SEPTIN7: variants seen among roughly 807,000 people sequenced by gnomAD.
SEPTIN7 encodes the protein septin 7, also known as septin-7.
SEPTIN7 carries 10 observed loss-of-function variants against 63.3 expected under a neutral mutation model. The observed-to-expected ratio is 0.16, with a 90% CI of 0.10 to 0.27. The LOEUF (loss-of-function observed/expected upper bound fraction) is 0.27. SEPTIN7 is among the 10% of genes least tolerant of loss of function. The pLI is 1.00. For synonymous variants in SEPTIN7, 131 were observed against 165.3 expected (o/e 0.79, Z 1.59); for missense variants, 310 against 521.0 (o/e 0.59, Z 3.94).
At chr7:35,830,194 A>T (rs930555450) in intron 1 of SEPTIN7, among the ~76,000 whole-genome samples, 1 of 152,096 alleles carries the variant, frequency 6.6e-6, no homozygotes, top group Non-Finnish European at 1.5e-5. Context: ...AAAAAAAAAA[A>T]ACTATTCCAA....
In SEPTIN7 at chr7:35,832,892, T is replaced by C. The variant is rs747481524; in HGVS notation, c.161T>C (p.Met54Thr). ...AAGAGAGGTTTTGAATTCACGCTTA[T>C]GGTAGTGGGTAAGATATGATTTCTT... is the stretch of plus-strand genomic sequence containing the variant. ...SVKRGFEFTL[M>T]VVGESGLGKS... The change falls in exon 3 of 14, where the codon ATG becomes ACG. Residue 54 changes from methionine (M) to threonine (T), a missense_variant. Met to Thr is a moderately conservative substitution (Grantham distance 81). Coordinates refer to ENST00000350320, the MANE Select transcript of SEPTIN7 (RefSeq NM_001788.6). 12 of 1,569,144 alleles carry C rather than the reference T, an allele frequency of 7.6e-6. No homozygotes were observed. The highest frequency in any genetic ancestry group is 1.1e-5 in the South Asian group (1 of 90,142).
intron 12 of SEPTIN7, chr7:35,901,530 A>G (rs1219662281): frequency 6.6e-6 from 1 of 152,200 alleles, no homozygotes; most frequent in Non-Finnish European, 1.5e-5. Flanking sequence ...TTAATAACTG[A>G]AAAATGTTGA....
At chr7:35,884,589 A>T (rs529557822) in intron 9 of SEPTIN7, among the ~76,000 whole-genome samples, 1 of 152,268 alleles carries the variant, frequency 6.6e-6, no homozygotes, top group South Asian at 2.1e-4. Flanking sequence ...GGAATCAAAC[A>T]TTTGGAGAGA....
At chr7:35,806,596 C>G (rs1788355088) in intron 1 of SEPTIN7, among the ~76,000 whole-genome samples, 1 of 152,210 alleles carries the variant, frequency 6.6e-6, no homozygotes, top group Admixed American at 6.5e-5. Context: ...CAATGAATTG[C>G]TGATGTGCAT....
intron 10 of SEPTIN7, among the ~76,000 whole-genome samples, chr7:35,887,328 A>G (rs1787321762): frequency 6.6e-6 from 1 of 152,194 alleles, no homozygotes; most frequent in African/African-American, 2.4e-5. Flanking sequence ...AAAACACTGT[A>G]GAGGGGAAAG....
chr7:35,831,543 C>T, intron 2 of SEPTIN7, 47 bp downstream of exon 2: 1 of 407,226 alleles, frequency 2.5e-6, no homozygotes, highest in Non-Finnish European at 4.8e-6. Context: ...TCTCAGTTAA[C>T]TTAAATTTAA....
At chr7:35,847,615 CTTT>C (rs1784748536) in intron 3 of SEPTIN7, among the ~76,000 whole-genome samples, 1 of 152,124 alleles carries the variant, frequency 6.6e-6, no homozygotes, top group Non-Finnish European at 1.5e-5. Context: ...CAAAAGTCTT[CTTT>C]TTGAAACTTT....
intron 3 of SEPTIN7, among the ~76,000 whole-genome samples, chr7:35,862,863 A>G (rs1334296253): frequency 6.6e-6 from 1 of 152,148 alleles, no homozygotes; most frequent in East Asian, 1.9e-4. Context: ...TAGTTACTAT[A>G]TACTAGACTA....
chr7:35,841,828 CAAGG>C (rs1784420195), intron 3 of SEPTIN7, among the ~76,000 whole-genome samples: 1 of 152,124 alleles, frequency 6.6e-6, no homozygotes, highest in African/African-American at 2.4e-5. Context: ...TTCATCTTGG[CAAGG>C]AAGACTGCTC....
chr7:35,884,353 C>T (rs1216180239), intron 9 of SEPTIN7, among the ~76,000 whole-genome samples: 1 of 152,166 alleles, frequency 6.6e-6, no homozygotes, highest in Non-Finnish European at 1.5e-5. Flanking sequence ...ATTAAGGATG[C>T]TCGACCAGTA....
At chr7:35,913,238 C>T in the SEPTIN7 span, among the ~76,000 whole-genome samples, 1 of 152,182 alleles carries the variant, frequency 6.6e-6, no homozygotes, top group African/African-American at 2.4e-5. Context: ...ACATCAATGG[C>T]AACAGGTGGG....
At chr7:35,828,519 C>G (rs1562528857) in intron 1 of SEPTIN7, among the ~76,000 whole-genome samples, 1 of 152,148 alleles carries the variant, frequency 6.6e-6, no homozygotes, top group South Asian at 2.1e-4. Flanking sequence ...GGGACTGCTA[C>G]AGGCACATGC....
intron 11 of SEPTIN7, among the ~76,000 whole-genome samples, chr7:35,895,278 G>T (rs147540856): frequency 6.6e-6 from 1 of 151,954 alleles, no homozygotes; most frequent in South Asian, 2.1e-4. Context: ...TTTTTGTTTC[G>T]ATTTTCTAAA....
At chr7:35,885,163 A>T (rs779302930) in intron 9 of SEPTIN7, among the ~76,000 whole-genome samples, 29 of 152,178 alleles carry the variant, frequency 1.9e-4, no homozygotes, top group African/African-American at 7.0e-4. Flanking sequence ...ATTTTGAACA[A>T]TTCTTTAATT....
chr7:35,880,005 T>G, intron 7 of SEPTIN7, 65 bp downstream of exon 7: 1 of 860,548 alleles, frequency 1.2e-6, no homozygotes, highest in Admixed American at 2.0e-5. Context: ...TTTACTATTT[T>G]TAGTATAATG....
chr7:35,902,282 A>C (rs1788370068), intron 12 of SEPTIN7: 2 of 151,588 alleles, frequency 1.3e-5, no homozygotes, highest in Admixed American at 1.3e-4. Context: ...GATCTCTTGG[A>C]CTTAAAGCAC....
Position 35,801,837 on chromosome 7 carries a change from A to AGGCGGC in SEPTIN7, c.61+577_61+582dup, listed in dbSNP as rs1350623263. Among the ~76,000 whole-genome samples the AGGCGGC allele has an allele frequency of 2.0e-5, 3 of 151,272 alleles. 1 individual carries two copies. The highest frequency in any genetic ancestry group is 4.2e-4 in the South Asian group (2 of 4,790). Reference sequence around the variant, plus strand: ...ATGCACCAGGCTGAGGCTGTGGTGGAGGCGGCGGCGGCGGCTGCAGCCGCA... The same window carrying AGGCGGC: ...ATGCACCAGGCTGAGGCTGTGGTGGAGGCGGCGGCGGCGGCGGCGGCTGCAGCCGCA... On this transcript the variant is annotated intron_variant, in intron 1 of 13. Coordinates refer to ENST00000350320, the MANE Select transcript of SEPTIN7 (RefSeq NM_001788.6).
chr7:35,873,388 T>C (rs1032180402), intron 5 of SEPTIN7, among the ~76,000 whole-genome samples: 4 of 152,094 alleles, frequency 2.6e-5, no homozygotes, highest in African/African-American at 7.2e-5. Context: ...AATACACTTA[T>C]TAGTGCAAAT....
Position 35,801,061 on chromosome 7 carries a change from G to T in SEPTIN7, c.-149G>T, listed in dbSNP as rs1347803933. On this transcript the variant is annotated 5_prime_UTR_variant, in exon 1 of 14. Transcript: ENST00000350320. ...GGGGACGGAGGAGGGAGCGGGAGTCGAGCGAGAGCCTGTGGAGGAGTCCGC... is the reference window on the plus strand; with the variant it reads ...GGGGACGGAGGAGGGAGCGGGAGTCTAGCGAGAGCCTGTGGAGGAGTCCGC... 1.3e-5 allele frequency: 7 copies of T among 520,334 alleles called. No individual in the cohort carries two copies. The highest frequency in any genetic ancestry group is 3.3e-5 in the South Asian group (1 of 30,620). The allele number at this position is 520,334 out of a possible 1,614,324, so 32.2% of individuals were successfully genotyped here.
Sources: allele counts gnomAD v4.1 joint callset (sites outside exome capture counted in the v4.1 genomes callset), GRCh38; gene constraint gnomAD v4.1.1; transcripts MANE v1.5; gene names NCBI Gene and HGNC (gene_info 2026-07-23, HGNC 2026-07-21).